Variants in TMTC1 observed in about 807,000 individuals in gnomAD.
The protein encoded by TMTC1 is protein O-mannosyl-transferase TMTC1.
TMTC1 carries 73 observed loss-of-function variants against 104.8 expected under a neutral mutation model. The observed-to-expected ratio is 0.70, with a 90% CI of 0.58 to 0.85. The LOEUF (loss-of-function observed/expected upper bound fraction) is 0.85, where lower values mean the gene tolerates loss of function less well. Ranked by LOEUF, TMTC1 falls within the 40% of genes least tolerant of loss-of-function variation. The pLI is 0.00. For missense variants in TMTC1, 1,035 were observed against 1,096.1 expected, an observed-to-expected ratio of 0.94 and a Z score of 0.79; for synonymous variants, 434 against 428.7, an observed-to-expected ratio of 1.01 and a Z score of -0.15.
At chr12:29,607,420 G>A (rs1361120212) in intron 6 of TMTC1, among the ~76,000 whole-genome samples, 2 of 152,202 alleles carry the variant, frequency 1.3e-5, no homozygotes, top group Non-Finnish European at 2.9e-5. Flanking sequence ...GGAGCAGGCA[G>A]AGAGGGCTTT....
intron 2 of TMTC1, among the ~76,000 whole-genome samples, chr12:29,766,791 G>A (rs1401474771): frequency 6.6e-6 from 1 of 152,116 alleles, no homozygotes; most frequent in Non-Finnish European, 1.5e-5. Flanking sequence ...TTGTAAAACT[G>A]TGGTGCCCAT....
At chr12:29,781,269 A>G (rs1050131702) in intron 1 of TMTC1, among the ~76,000 whole-genome samples, 4 of 152,296 alleles carry the variant, frequency 2.6e-5, no homozygotes, top group African/African-American at 9.6e-5. Flanking sequence ...TTGCAACTCA[A>G]TCTTCTCAAA....
chr12:29,577,122 GT>G (rs1052514341), intron 8 of TMTC1, among the ~76,000 whole-genome samples: 2 of 152,122 alleles, frequency 1.3e-5, no homozygotes, highest in African/African-American at 4.8e-5. Flanking sequence ...AAGGTTGTAT[GT>G]TTTTAAATGT....
At chr12:29,777,603 C>T (rs1943741743) in intron 1 of TMTC1, among the ~76,000 whole-genome samples, 2 of 103,062 alleles carry the variant, frequency 1.9e-5, no homozygotes, top group East Asian at 3.5e-4. Context: ...TCCTACACTA[C>T]CAGACTGTAG....
chr12:29,517,688 T>C (rs1944027920), intron 13 of TMTC1, 117 bp from the exon 14 acceptor site: 2 of 1,176,150 alleles, frequency 1.7e-6, no homozygotes, highest in African/African-American at 1.6e-5. Flanking sequence ...AATACGGTCT[T>C]TGTTTTTATA....
At position 29,604,209 on chromosome 12, in the gene TMTC1, CA is replaced by C. The variant is rs940885099; in HGVS notation, c.1218del (p.Phe406LeufsTer23). 6.2e-7 allele frequency: 1 copy of C among 1,613,832 alleles called. No individual in the cohort carries two copies. The highest frequency in any genetic ancestry group is 1.3e-5 in the African/African-American group (1 of 74,908). On this transcript the variant is annotated frameshift_variant, in exon 7 of 18. Transcript: ENST00000539277. LOFTEE classifies it high-confidence loss of function. ...PASNLFFRVG[F>X]VVAERVLYMP... ...ATGTAAAGGACTCTCTCCGCCACCA[CA>C]AAACCCACCCTGAAGAAGAGGTTGC...
At chr12:29,627,082 C>G (rs1236014453) in intron 6 of TMTC1, among the ~76,000 whole-genome samples, 1 of 151,834 alleles carries the variant, frequency 6.6e-6, no homozygotes, top group Non-Finnish European at 1.5e-5. Context: ...GCCTAGGTAA[C>G]AAGAGCGAAA....
At chr12:29,767,815 T>TAC in intron 2 of TMTC1, 83 bp downstream of exon 2, 1 of 1,261,462 alleles carries the variant, frequency 7.9e-7, no homozygotes, top group South Asian at 1.4e-5. Flanking sequence ...TTTACATGTA[T>TAC]ATATATGTGT....
rs374719241 is a variant in TMTC1, at chr12:29,670,934, C to CAAAAAAAAA, written c.939-37607_939-37599dup. Among the ~76,000 whole-genome samples the CAAAAAAAAA allele has an allele frequency of 1.5e-3, 105 of 68,530 alleles. 2 individuals carry two copies. The East Asian group carries it at 0.028, about 18-fold the overall frequency. 45.0% of individuals were successfully genotyped at this position (68,530 alleles called of 152,430 possible). A position where few individuals can be genotyped will look rare whatever the true frequency, so the allele number is the denominator to read the frequency against. ...TGGGCCACAGCACGAGACTCTGTCTCAAAAAAAAAGAAAAAAAAGGATAGG... is the reference window on the plus strand; with the variant it reads ...TGGGCCACAGCACGAGACTCTGTCTCAAAAAAAAAAAAAAAAAAGAAAAAAAAGGATAGG... On this transcript the variant is annotated intron_variant, in intron 5 of 17. Transcript: ENST00000539277.
intron 17 of TMTC1, among the ~76,000 whole-genome samples, chr12:29,510,315 T>C (rs920177390): frequency 5.9e-5 from 9 of 152,218 alleles, no homozygotes; most frequent in Non-Finnish European, 1.2e-4. Flanking sequence ...ATTATAATCT[T>C]ATGAGACCAT....
At chr12:29,768,180 T>C (rs1943517322) in intron 1 of TMTC1, 105 bp from the exon 2 acceptor site, 1 of 846,420 alleles carries the variant, frequency 1.2e-6, no homozygotes, top group Non-Finnish European at 1.8e-6. Flanking sequence ...AGCTATTAGA[T>C]TAATGATTTT....
intron 5 of TMTC1, among the ~76,000 whole-genome samples, chr12:29,694,469 A>G (rs1317938344): frequency 1.3e-5 from 2 of 152,206 alleles, no homozygotes; most frequent in Non-Finnish European, 2.9e-5. Flanking sequence ...TACCTAATAC[A>G]ATGTAAATGC....
At position 29,639,744 on chromosome 12, in the gene TMTC1, T is replaced by C. The variant is rs181012149; in HGVS notation, c.939-6408A>G. On this transcript the variant is annotated intron_variant, in intron 5 of 17. Coordinates refer to ENST00000539277, the MANE Select transcript of TMTC1 (RefSeq NM_001193451.2). ...AGACAACTCACATATCCATCTACAA[T>C]AAAATGCATACATACATTATGGAAT... 4.9e-3 allele frequency among the ~76,000 whole-genome samples: 749 copies of C among 152,238 alleles called. 5 individuals carry two copies. Among genetic ancestry groups the C allele is most frequent in the Non-Finnish European group, 6.9e-3 (468 of 68,038 alleles).
At chr12:29,604,441 A>C (rs1946645086) in intron 6 of TMTC1, 142 bp from the exon 7 acceptor site, 1 of 1,147,330 alleles carries the variant, frequency 8.7e-7, no homozygotes, top group East Asian at 2.6e-5. Flanking sequence ...CGGCGTGCTG[A>C]ATTTAACAGA....
At position 29,781,046 on chromosome 12, in the gene TMTC1, G is replaced by A. The variant is rs536203097; in HGVS notation, c.302+2404C>T. 2.6e-5 allele frequency among the ~76,000 whole-genome samples: 4 copies of A among 152,148 alleles called. No individual in the cohort carries two copies. In the South Asian group the frequency reaches 6.2e-4, roughly 24 times the overall value. The stretch of plus-strand genomic sequence containing the variant: ...TTCATAGCGAATAGTTAATAAATAC[G>A]GCTTTCTGTCCTTCCTTGTACCATC... On this transcript the variant is annotated intron_variant, in intron 1 of 17. Coordinates refer to ENST00000539277, the MANE Select transcript of TMTC1 (RefSeq NM_001193451.2).
intron 5 of TMTC1, among the ~76,000 whole-genome samples, chr12:29,703,245 A>G (rs1480746362): frequency 6.6e-6 from 1 of 152,134 alleles, no homozygotes; most frequent in East Asian, 1.9e-4. Flanking sequence ...TGTCTTTTGA[A>G]AGCATGAAAG....
At chr12:29,511,382 A>C (rs575523494) in intron 17 of TMTC1, among the ~76,000 whole-genome samples, 2 of 152,244 alleles carry the variant, frequency 1.3e-5, no homozygotes, top group South Asian at 4.1e-4. Context: ...CCCAGTGCCT[A>C]GCAGGGGATA....
intron 6 of TMTC1, among the ~76,000 whole-genome samples, chr12:29,609,484 C>G (rs769114053): frequency 2.6e-5 from 4 of 152,208 alleles, no homozygotes; most frequent in Non-Finnish European, 5.9e-5. Flanking sequence ...CACAACACCC[C>G]TACTGCTATC....
intron 6 of TMTC1, among the ~76,000 whole-genome samples, chr12:29,614,707 G>T (rs528201430): frequency 6.6e-6 from 1 of 152,266 alleles, no homozygotes; most frequent in South Asian, 2.1e-4. Flanking sequence ...AGACAAGAAG[G>T]TTTATATGAT....
Sources: allele counts gnomAD v4.1 joint callset (sites outside exome capture counted in the v4.1 genomes callset), GRCh38; gene constraint gnomAD v4.1.1; transcripts MANE v1.5; gene names NCBI Gene and HGNC (gene_info 2026-07-23, HGNC 2026-07-21).